The following DLGAP1 variants were observed in gnomAD, a reference collection of about 807,000 sequenced individuals.
DLGAP1 encodes the protein DLG associated protein 1, also known as disks large-associated protein 1.
A neutral mutation model predicts 90.8 loss-of-function variants in DLGAP1; 11 were observed. The observed-to-expected ratio is 0.12, with a 90% confidence interval of 0.08 to 0.20. The LOEUF is 0.20. Ranked by LOEUF, DLGAP1 falls within the 10% of genes least tolerant of loss-of-function variation. DLGAP1 has a pLI of 1.00. For synonymous variants in DLGAP1, 558 were observed against 540.7 expected (o/e 1.03, Z -0.44); for missense variants, 1,050 against 1,333.8 (o/e 0.79, Z 3.31).
chr18:3,723,310 C>T (rs2062042573), intron 7 of DLGAP1, among the ~76,000 whole-genome samples: 1 of 152,148 alleles, frequency 6.6e-6, no homozygotes, highest in South Asian at 2.1e-4. Context: ...TTGCAGACCA[C>T]TAGACTGGAT....
chr18:3,873,956 T>C (rs67067442), intron 4 of DLGAP1, among the ~76,000 whole-genome samples: 10,828 of 152,232 alleles, frequency 0.071, 409 homozygotes, highest in Non-Finnish European at 0.089. Context: ...CACAGATTTG[T>C]AGATATCTGA....
At chr18:4,204,466 G>A (rs1163309108) in intron 1 of DLGAP1, among the ~76,000 whole-genome samples, 1 of 151,804 alleles carries the variant, frequency 6.6e-6, no homozygotes, top group Non-Finnish European at 1.5e-5. Flanking sequence ...ACATTCATAA[G>A]GATGGCTGTA....
At chr18:3,839,871 C>T (rs1460053506) in intron 4 of DLGAP1, among the ~76,000 whole-genome samples, 1 of 152,218 alleles carries the variant, frequency 6.6e-6, no homozygotes, top group Non-Finnish European at 1.5e-5. Flanking sequence ...CTGAGCTGAT[C>T]ACTCTCTTCT....
intron 1 of DLGAP1, among the ~76,000 whole-genome samples, chr18:4,411,292 T>C (rs2082771517): frequency 6.6e-6 from 1 of 152,154 alleles, no homozygotes; most frequent in Admixed American, 6.5e-5. Context: ...CCATCATCAG[T>C]AGAGAACTGA....
intron 7 of DLGAP1, among the ~76,000 whole-genome samples, chr18:3,627,577 A>G (rs2058342769): frequency 6.6e-6 from 1 of 152,194 alleles, no homozygotes; most frequent in African/African-American, 2.4e-5. Flanking sequence ...GACAGTGAAG[A>G]GCAGGTAGTT....
intron 11 of DLGAP1, among the ~76,000 whole-genome samples, chr18:3,505,221 T>G (rs2050149105): frequency 6.6e-6 from 1 of 152,104 alleles, no homozygotes; most frequent in African/African-American, 2.4e-5. Flanking sequence ...CTGGGTAGGA[T>G]GTATAAGGAT....
chr18:3,902,415 A>T (rs1331358454), intron 3 of DLGAP1, among the ~76,000 whole-genome samples: 1 of 152,240 alleles, frequency 6.6e-6, no homozygotes. Flanking sequence ...GGCCAAAATC[A>T]TGATGATGCT....
At chr18:4,110,676 AT>A (rs1394089034) in intron 2 of DLGAP1, among the ~76,000 whole-genome samples, 1 of 152,210 alleles carries the variant, frequency 6.6e-6, no homozygotes, top group Non-Finnish European at 1.5e-5. Flanking sequence ...ATGAAAATGA[AT>A]TATAGTAGTA....
chr18:4,042,466 G>A (rs569636030), intron 2 of DLGAP1, among the ~76,000 whole-genome samples: 3 of 152,284 alleles, frequency 2.0e-5, no homozygotes, highest in Non-Finnish European at 4.4e-5. Context: ...TCAGGACACC[G>A]CTTGTCCACA....
chr18:3,780,875 C>T (rs1262394997), intron 5 of DLGAP1, among the ~76,000 whole-genome samples: 1 of 114,774 alleles, frequency 8.7e-6, no homozygotes, highest in African/African-American at 2.9e-5. Context: ...AATCTTAGCT[C>T]ACTGGCTCAC....
At chr18:4,069,747 T>A (rs2143444087) in intron 2 of DLGAP1, among the ~76,000 whole-genome samples, 1 of 152,268 alleles carries the variant, frequency 6.6e-6, no homozygotes, top group Non-Finnish European at 1.5e-5. Context: ...AAACCTCTTT[T>A]TAAAATAAAT....
intron 3 of DLGAP1, among the ~76,000 whole-genome samples, chr18:3,900,982 T>C (rs1270988155): frequency 1.3e-5 from 2 of 152,136 alleles, no homozygotes; most frequent in Non-Finnish European, 2.9e-5. Flanking sequence ...GTCCCTTCCC[T>C]GCACAAAACG....
intron 3 of DLGAP1, among the ~76,000 whole-genome samples, chr18:3,955,482 C>T (rs1422491368): frequency 1.3e-5 from 2 of 151,976 alleles, no homozygotes; most frequent in Non-Finnish European, 2.9e-5. Context: ...GAGGCCGAGG[C>T]GGGTAGATCA....
At chr18:4,275,956 T>C (rs753452036) in intron 1 of DLGAP1, among the ~76,000 whole-genome samples, 3 of 152,038 alleles carry the variant, frequency 2.0e-5, no homozygotes, top group East Asian at 1.9e-4. Context: ...AGATATGAAC[T>C]ACAAGCAGGA....
intron 9 of DLGAP1, among the ~76,000 whole-genome samples, chr18:3,546,994 C>T (rs1452694336): frequency 6.6e-6 from 1 of 150,422 alleles, no homozygotes; most frequent in African/African-American, 2.5e-5. Context: ...AAAAAAAGGA[C>T]ACATATTACC....
chr18:4,280,698 C>A (rs1487608124), intron 1 of DLGAP1: 1 of 152,150 alleles, frequency 6.6e-6, no homozygotes, highest in Non-Finnish European at 1.5e-5. Context: ...TTACCATTTG[C>A]AGTGATGATT....
At chr18:4,316,858 C>A (rs1223636222) in intron 1 of DLGAP1, among the ~76,000 whole-genome samples, 1 of 152,122 alleles carries the variant, frequency 6.6e-6, no homozygotes. Flanking sequence ...ATGTCCATAT[C>A]CCTGCTGAGC....
intron 2 of DLGAP1, among the ~76,000 whole-genome samples, chr18:4,106,406 A>G (rs1246521925): frequency 6.6e-6 from 1 of 152,160 alleles, no homozygotes; most frequent in East Asian, 1.9e-4. Context: ...TGCATGCATC[A>G]CCTTTCCACA....
intron 5 of DLGAP1, among the ~76,000 whole-genome samples, chr18:3,779,555 AGT>A: frequency 6.6e-6 from 1 of 152,142 alleles, no homozygotes. Context: ...ATTGTCCTCC[AGT>A]GGGCCTGCCT....
Sources: allele counts gnomAD v4.1 joint callset (sites outside exome capture counted in the v4.1 genomes callset), GRCh38; gene constraint gnomAD v4.1.1; transcripts MANE v1.5; gene names NCBI Gene and HGNC (gene_info 2026-07-23, HGNC 2026-07-21).